CCNA2: variants seen among roughly 807,000 people sequenced by gnomAD.
CCNA2 encodes the protein cyclin-A2.
CCNA2 carries 3 observed loss-of-function variants against 49.4 expected under a neutral mutation model. The ratio of observed to expected loss-of-function variants is 0.06; its 90% CI spans 0.03 to 0.16. The LOEUF is 0.16. Among genes scored for constraint, CCNA2 ranks in the 10% least tolerant of loss-of-function variants. CCNA2 has a pLI of 1.00. For synonymous variants in CCNA2, 206 were observed against 197.2 expected, an observed-to-expected ratio of 1.04 and a Z score of -0.37; for missense variants, 372 against 519.7, an observed-to-expected ratio of 0.72 and a Z score of 2.76.
intron 7 of CCNA2, among the ~76,000 whole-genome samples, 159 bp from the exon 8 acceptor site, chr4:121,817,845 A>G (rs1003836162): frequency 1.3e-5 from 2 of 152,224 alleles, no homozygotes; most frequent in African/African-American, 4.8e-5. Flanking sequence ...TGAAACACAC[A>G]TGCATGCCCC....
intron 5 of CCNA2, 103 bp from the exon 6 acceptor site, chr4:121,819,016 A>G: frequency 1.4e-6 from 1 of 692,188 alleles, no homozygotes; most frequent in East Asian, 2.7e-5. Flanking sequence ...ACGGCTCTGT[A>G]GCAACTCTAG....
intron 7 of CCNA2, 110 bp downstream of exon 7, chr4:121,817,934 G>A: frequency 2.6e-6 from 3 of 1,174,960 alleles, no homozygotes; most frequent in Non-Finnish European, 3.6e-6. Context: ...CCAATTTAGA[G>A]AACAGCTTCT....
chr4:121,816,904 A>G lies in CCNA2; in HGVS notation c.*734T>C. 6.9e-7 allele frequency: 1 copy of G among 1,446,636 alleles called. No homozygotes were observed. The highest frequency in any genetic ancestry group is 9.2e-7 in the Non-Finnish European group (1 of 1,083,884). 89.6% of individuals were successfully genotyped at this position (1,446,636 alleles called of 1,614,324 possible). A position where few individuals can be genotyped will look rare whatever the true frequency, so the allele number is the denominator to read the frequency against. On this transcript the variant is annotated 3_prime_UTR_variant, in exon 8 of 8. Coordinates refer to ENST00000274026, the MANE Select transcript of CCNA2 (RefSeq NM_001237.5). ...TATATAACTATTAAAAGGGATATTT[A>G]TTCCATTCTGAGAACCCTGGGTATT...
rs1009185603 is a variant in CCNA2 at position 121,823,443 on chromosome 4, C to T, written c.186G>A (p.Ala62=). 2 of 1,613,160 alleles carry T rather than the reference C, an allele frequency of 1.2e-6. No individual in the cohort carries two copies. The highest frequency in any genetic ancestry group is 1.7e-5 in the Admixed American group (1 of 59,932). The change falls in exon 1 of 8, where the codon GCG becomes GCA. Residue 62 remains alanine (A), a synonymous_variant. Coordinates refer to ENST00000274026, the MANE Select transcript of CCNA2 (RefSeq NM_001237.5). The part of the protein sequence containing the change: ...VLKSGNPRGL[A]QQQRPKTRRV... The stretch of plus-strand genomic sequence containing the variant: ...GTCTCGTCTTCGGCCTCTGCTGCTG[C>T]GCTAGACCCCGCGGGTTCCCGGACT...
In CCNA2 at chr4:121,823,827, A is replaced by G. The variant is rs1724768617; in HGVS notation, c.-199T>C. On this transcript the variant is annotated 5_prime_UTR_variant, in exon 1 of 8. Transcript: ENST00000274026. ...CGAGGAGGTTGCGAAAGGCGCAGGC[A>G]GGCACTGCCCAGCGTGGCGAGCCAA... 1.0e-6 allele frequency: 1 copy of G among 998,790 alleles called. No individual in the cohort carries two copies. Among genetic ancestry groups the G allele is most frequent in the South Asian group, 1.8e-5 (1 of 55,352 alleles). The allele number at this position is 998,790 out of a possible 1,614,324, so 61.9% of individuals were successfully genotyped here.
Position 121,820,850 on chromosome 4 carries a change from T to C in CCNA2, c.571-85A>G, listed in dbSNP as rs1393302007. The C allele has an allele frequency of 8.1e-7, 1 of 1,233,904 alleles. No homozygotes were observed. The highest frequency in any genetic ancestry group is 1.2e-6 in the Non-Finnish European group (1 of 859,164). 76.4% of individuals were successfully genotyped at this position (1,233,904 alleles called of 1,614,324 possible). A position where few individuals can be genotyped will look rare whatever the true frequency, so the allele number is the denominator to read the frequency against. On this transcript the variant is annotated intron_variant, in intron 3 of 7. Coordinates refer to ENST00000274026, the MANE Select transcript of CCNA2 (RefSeq NM_001237.5). This position sits in a 1 kb window ranked among gnomAD's most constrained non-coding sequence, Gnocchi z 4.1. Reference sequence around the variant, plus strand: ...TATTTTACCATTAATTACGAGAGGCTACATGCTATAAACTTAACTGTAGCA... The same window carrying C: ...TATTTTACCATTAATTACGAGAGGCCACATGCTATAAACTTAACTGTAGCA...
In CCNA2 at chr4:121,817,653, C is replaced by G. The variant is rs753686186; in HGVS notation, c.1284G>C (p.Glu428Asp). The change falls in exon 8 of 8, where the codon GAG (glutamate) becomes GAC (aspartate). Residue 428 changes from glutamate to aspartate, a missense_variant. Transcript: ENST00000274026. ...TCTTTCATTGTTACAGATTTAGTGT[C>G]TCTGGTGGGTTGAGGAGAGAAACAC... is the stretch of plus-strand genomic sequence containing the variant. ...YHGVSLLNPPETLNL is the reference protein window; with the variant it reads ...YHGVSLLNPPDTLNL 4.3e-6 allele frequency: 7 copies of G among 1,613,542 alleles called. No homozygotes were observed. Among genetic ancestry groups the G allele is most frequent in the East Asian group, 2.2e-5 (1 of 44,872 alleles).
At position 121,817,027 on chromosome 4, in the gene CCNA2, C is replaced by T. The variant is rs574202999; in HGVS notation, c.*611G>A. 25 of 668,964 alleles carry T rather than the reference C, an allele frequency of 3.7e-5. No individual in the cohort carries two copies. Among genetic ancestry groups the T allele is most frequent in the African/African-American group, 3.0e-4 (16 of 53,598 alleles). 41.4% of individuals were successfully genotyped at this position (668,964 alleles called of 1,614,324 possible). On this transcript the variant is annotated 3_prime_UTR_variant, in exon 8 of 8. Coordinates refer to ENST00000274026, the MANE Select transcript of CCNA2 (RefSeq NM_001237.5). ...ATAATAAACCTTCTGGAGCATTTCT[C>T]GTCTGTTAATTTGCATATAAGCTTC...
chr4:121,818,999 T>C lies in CCNA2; in HGVS notation c.1003-86A>G. 3 of 806,180 alleles carry C rather than the reference T, an allele frequency of 3.7e-6. No homozygotes were observed. In the South Asian group the frequency reaches 4.4e-5, roughly 12 times the overall value. 49.9% of individuals were successfully genotyped at this position (806,180 alleles called of 1,614,324 possible). A position where few individuals can be genotyped will look rare whatever the true frequency, so the allele number is the denominator to read the frequency against. On this transcript the variant is annotated intron_variant, in intron 5 of 7. Transcript: ENST00000274026. Reference sequence around the variant, plus strand: ...CCTTCTAACCTAATTTTTTCCTGCCTTTGATAACGGCTCTGTAGCAACTCT... The same window carrying C: ...CCTTCTAACCTAATTTTTTCCTGCCCTTGATAACGGCTCTGTAGCAACTCT...
At position 121,820,265 on chromosome 4, in the gene CCNA2, TG is replaced by T. The variant is rs1724659877; in HGVS notation, c.794+276del. ...CTTTACTTCTTAATAAAAGAGACAC[TG>T]CTTATATGCCAGAAAGTAATATTGG... is the stretch of plus-strand genomic sequence containing the variant. On this transcript the variant is annotated intron_variant, in intron 4 of 7. Coordinates refer to ENST00000274026, the MANE Select transcript of CCNA2 (RefSeq NM_001237.5). This position sits in a 1 kb window ranked among gnomAD's most constrained non-coding sequence, Gnocchi z 4.1. Among the ~76,000 whole-genome samples the T allele has an allele frequency of 6.6e-6, 1 of 152,180 alleles. No individual in the cohort carries two copies. Among genetic ancestry groups the T allele is most frequent in the African/African-American group, 2.4e-5 (1 of 41,440 alleles).
At position 121,822,550 on chromosome 4, in the gene CCNA2, C is replaced by G; in HGVS notation, c.310G>C (p.Asp104His). The change falls in exon 2 of 8, where the codon GAT becomes CAT. Residue 104 changes from aspartate to histidine, a missense_variant. Around this residue, in one of 2 missense-constraint regions of CCNA2, gnomAD observed 217 missense variants for 231.7 expected, o/e 0.94. Coordinates refer to ENST00000274026, the MANE Select transcript of CCNA2 (RefSeq NM_001237.5). ...TTCTGAGCTTCTTTTTCTGCTTCATCCACATGAATGGTGAACGCAGGCTGT... is the reference window on the plus strand; with the variant it reads ...TTCTGAGCTTCTTTTTCTGCTTCATGCACATGAATGGTGAACGCAGGCTGT... ...SKQPAFTIHVDEAEKEAQKKP... is the reference protein window; with the variant it reads ...SKQPAFTIHVHEAEKEAQKKP... The G allele has an allele frequency of 6.2e-7, 1 of 1,614,080 alleles. No homozygotes were observed.
At position 121,817,368 on chromosome 4, in the gene CCNA2, C is replaced by T; in HGVS notation, c.*270G>A. 3.0e-6 allele frequency: 1 copy of T among 328,562 alleles called. No homozygotes were observed. The highest frequency in any genetic ancestry group is 5.3e-5 in the East Asian group (1 of 18,916). The allele number at this position is 328,562 out of a possible 1,614,324, so 20.4% of individuals were successfully genotyped here. A position where few individuals can be genotyped will look rare whatever the true frequency, so the allele number is the denominator to read the frequency against. ...TCCTGAAGAAGTTAAATTTGACTTGCAAAGTTTTCCAAATCAATTTATTAT... is the reference window on the plus strand; with the variant it reads ...TCCTGAAGAAGTTAAATTTGACTTGTAAAGTTTTCCAAATCAATTTATTAT... On this transcript the variant is annotated 3_prime_UTR_variant, in exon 8 of 8. Coordinates refer to ENST00000274026, the MANE Select transcript of CCNA2 (RefSeq NM_001237.5).
At chr4:121,817,736 A>T (rs1399021107) in intron 7 of CCNA2, 50 bp from the exon 8 acceptor site, 1 of 1,608,110 alleles carries the variant, frequency 6.2e-7, no homozygotes, top group Admixed American at 1.7e-5. Context: ...CACTGGGTAA[A>T]GGAGATCATG....
chr4:121,818,166 T>C lies in CCNA2; in HGVS notation c.1128A>G (p.Leu376=). The C allele has an allele frequency of 6.2e-7, 1 of 1,613,296 alleles. No homozygotes were observed. Among genetic ancestry groups the C allele is most frequent in the African/African-American group, 1.3e-5 (1 of 74,994 alleles). ...TVTGQSWPES[L]IRKTGYTLES... ...CCAGGGTATATCCAGTCTTTCGTAT[T>C]AATGATTCAGGCTACAGAGAAGGGA... is the stretch of plus-strand genomic sequence containing the variant. The change falls in exon 7 of 8, where the codon TTA becomes TTG. Residue 376 remains leucine, a synonymous_variant. Transcript: ENST00000274026.
At position 121,817,048 on chromosome 4, in the gene CCNA2, G is replaced by A. The variant is rs577033058; in HGVS notation, c.*590C>T. ...TTCTCGTCTGTTAATTTGCATATAA[G>A]CTTCCCACCCTCTTCCACTCCCAAC... is the stretch of plus-strand genomic sequence containing the variant. On this transcript the variant is annotated 3_prime_UTR_variant, in exon 8 of 8. Coordinates refer to ENST00000274026, the MANE Select transcript of CCNA2 (RefSeq NM_001237.5). The A allele has an allele frequency of 1.4e-5, 8 of 570,006 alleles. No homozygotes were observed. The South Asian group carries it at 2.1e-4, about 15-fold the overall frequency. The allele number at this position is 570,006 out of a possible 1,614,324, so 35.3% of individuals were successfully genotyped here.
chr4:121,819,954 T>G (rs1345340112), intron 4 of CCNA2, among the ~76,000 whole-genome samples: 6 of 150,828 alleles, frequency 4.0e-5, no homozygotes, highest in Non-Finnish European at 8.9e-5. Context: ...TTTTTTTTTT[T>G]TTTGAGACAA....
chr4:121,820,901 T>C lies in CCNA2; in HGVS notation c.570+78A>G. ...TTAGAATAATTCATTAGTTTAAAAA[T>C]TTAAACATTATCCTCTCAATTTCAT... On this transcript the variant is annotated intron_variant, in intron 3 of 7. Transcript: ENST00000274026. The surrounding 1 kb of genome is among the most constrained non-coding windows in gnomAD (Gnocchi z 4.1). 1 of 1,384,466 alleles carries C rather than the reference T, an allele frequency of 7.2e-7. No individual in the cohort carries two copies. The highest frequency in any genetic ancestry group is 1.0e-6 in the Non-Finnish European group (1 of 989,442). The allele number at this position is 1,384,466 out of a possible 1,614,324, so 85.8% of individuals were successfully genotyped here.
rs1329128099 is a variant in CCNA2, at chr4:121,823,397, A to T, written c.213+19T>A. 10 of 1,601,878 alleles carry T rather than the reference A, an allele frequency of 6.2e-6. No homozygotes were observed. The highest frequency in any genetic ancestry group is 7.7e-6 in the Non-Finnish European group (9 of 1,172,728). On this transcript the variant is annotated intron_variant, in intron 1 of 7. Transcript: ENST00000274026. ...CCCTGCTCGACCCACCCTCCTGCAG[A>T]TATCCCGCATCCCTTTACCCGTCTC...
intron 2 of CCNA2, 113 bp downstream of exon 2, chr4:121,822,290 C>G: frequency 9.6e-7 from 1 of 1,046,300 alleles, no homozygotes; most frequent in Non-Finnish European, 1.4e-6. Flanking sequence ...TTACATTAAA[C>G]CTAACTCACT....
Sources: gnomAD v4.1 joint callset for allele counts (sites outside exome capture counted in the v4.1 genomes callset) on GRCh38, gnomAD v4.1.1 for gene constraint, gnomAD v4.1.1 regional missense constraint, Gnocchi (gnomAD v3.1) non-coding constraint, MANE v1.5 for transcripts, NCBI Gene and HGNC (gene_info 2026-07-23, HGNC 2026-07-21) for gene names.